Variants in ADGRL3 observed in about 807,000 individuals in gnomAD.
ADGRL3 encodes the protein adhesion G protein-coupled receptor L3, also known as calcium-independent alpha-latrotoxin receptor 3.
A neutral mutation model predicts 153.5 loss-of-function variants in ADGRL3; 62 were observed. The observed-to-expected ratio is 0.40, with a 90% CI of 0.33 to 0.50. The LOEUF (loss-of-function observed/expected upper bound fraction) is 0.50. Ranked by LOEUF, ADGRL3 falls within the 20% of genes least tolerant of loss-of-function variation. The probability of loss-of-function intolerance (pLI) is 0.47; values close to 1 mark genes in which losing one functional copy is unlikely to be tolerated. For synonymous variants in ADGRL3, 710 were observed against 672.5 expected, an observed-to-expected ratio of 1.06 and a Z score of -0.86; for missense variants, 1,641 against 1,859.4, an observed-to-expected ratio of 0.88 and a Z score of 2.16.
chr4:62,053,337 C>T (rs1735237626), intron 25 of ADGRL3, among the ~76,000 whole-genome samples: 1 of 151,510 alleles, frequency 6.6e-6, no homozygotes, highest in African/African-American at 2.4e-5. Context: ...TGTTGAATTG[C>T]ATACAAAGGC....
chr4:61,728,441 A>G (rs1419469501), intron 6 of ADGRL3, among the ~76,000 whole-genome samples: 1 of 152,112 alleles, frequency 6.6e-6, no homozygotes, highest in African/African-American at 2.4e-5. Flanking sequence ...AAAGTGTAGG[A>G]TAATATTTGA....
At chr4:62,058,285 T>C (rs1738133995) in intron 25 of ADGRL3, among the ~76,000 whole-genome samples, 1 of 152,154 alleles carries the variant, frequency 6.6e-6, no homozygotes, top group South Asian at 2.1e-4. Context: ...TTATTTCTGC[T>C]TTTAAAGTTT....
rs893050091 is a variant in ADGRL3, at chr4:61,770,243, G to C, written c.1399+36689G>C. On this transcript the variant is annotated intron_variant, in intron 8 of 26. Coordinates refer to ENST00000683033, the MANE Select transcript of ADGRL3 (RefSeq NM_001387552.1). The stretch of plus-strand genomic sequence containing the variant: ...TATAGAGGAGGCTTTTAAGATTTTT[G>C]TTTATTGTTGATAAGTAATTTTCTG... Among the ~76,000 whole-genome samples the C allele has an allele frequency of 9.2e-5, 14 of 152,160 alleles. 1 individual carries two copies. Among genetic ancestry groups the C allele is most frequent in the African/African-American group, 3.1e-4 (13 of 41,440 alleles).
intron 5 of ADGRL3, among the ~76,000 whole-genome samples, chr4:61,643,811 G>A (rs1342626003): frequency 6.8e-6 from 1 of 146,162 alleles, no homozygotes; most frequent in Non-Finnish European, 1.5e-5. Context: ...CATAAAATGA[G>A]TTAGGGAGGA....
intron 9 of ADGRL3, among the ~76,000 whole-genome samples, chr4:61,830,213 G>T (rs893802319): frequency 6.6e-6 from 1 of 151,692 alleles, no homozygotes; most frequent in Non-Finnish European, 1.5e-5. Context: ...TTGCCATGTT[G>T]CCCAGGCTTC....
At chr4:61,210,977 G>T (rs1430069211) in intron 1 of ADGRL3, among the ~76,000 whole-genome samples, 1 of 152,064 alleles carries the variant, frequency 6.6e-6, no homozygotes, top group Non-Finnish European at 1.5e-5. Context: ...ATCTTTTGAG[G>T]TTTAGGCAAT....
chr4:61,245,000 T>G (rs1288521153), intron 1 of ADGRL3, among the ~76,000 whole-genome samples: 1 of 152,038 alleles, frequency 6.6e-6, no homozygotes, highest in Non-Finnish European at 1.5e-5. Context: ...TCCTTTCCTT[T>G]ACTCTTCTGG....
At chr4:61,447,194 C>A (rs528498402) in intron 2 of ADGRL3, among the ~76,000 whole-genome samples, 1 of 152,114 alleles carries the variant, frequency 6.6e-6, no homozygotes, top group South Asian at 2.1e-4. Flanking sequence ...ATTTTAGTGA[C>A]TCTTGCATTT....
intron 24 of ADGRL3, 131 bp downstream of exon 24, chr4:62,037,987 G>T: frequency 1.1e-6 from 1 of 951,956 alleles, no homozygotes; most frequent in Non-Finnish European, 1.6e-6. Flanking sequence ...TGTCTCACAT[G>T]GGAATGATTC....
At chr4:61,362,001 C>A (rs1337321405) in intron 1 of ADGRL3, among the ~76,000 whole-genome samples, 7 of 147,966 alleles carry the variant, frequency 4.7e-5, no homozygotes, top group African/African-American at 1.7e-4. Context: ...TATATAAATA[C>A]ATATATTTTT....
intron 1 of ADGRL3, among the ~76,000 whole-genome samples, chr4:61,255,404 T>A (rs974539): frequency 0.75 from 113,937 of 152,088 alleles, 42,837 homozygotes; most frequent in African/African-American, 0.77. Context: ...TTCTCCGCTG[T>A]ATGGAGAAGA....
intron 21 of ADGRL3, among the ~76,000 whole-genome samples, 168 bp from the exon 22 acceptor site, chr4:62,028,687 C>A (rs979900950): frequency 6.6e-6 from 1 of 151,604 alleles, no homozygotes; most frequent in East Asian, 1.9e-4. Flanking sequence ...TATTTAAGTT[C>A]TCATGGTCAT....
chr4:61,826,848 A>C (rs888093524), intron 9 of ADGRL3, among the ~76,000 whole-genome samples: 1 of 152,098 alleles, frequency 6.6e-6, no homozygotes. Flanking sequence ...GCACACCAAC[A>C]TGGCACATGT....
intron 17 of ADGRL3, among the ~76,000 whole-genome samples, chr4:61,974,494 A>C (rs1026429764): frequency 1.3e-5 from 2 of 152,180 alleles, no homozygotes; most frequent in Admixed American, 6.5e-5. Context: ...GCTATTGAGC[A>C]TGAAAAAATT....
chr4:61,235,378 C>A (rs915675859), intron 1 of ADGRL3, among the ~76,000 whole-genome samples: 3 of 152,332 alleles, frequency 2.0e-5, no homozygotes, highest in African/African-American at 7.2e-5. Context: ...TAAATTAACA[C>A]ATCTTTTCTG....
chr4:61,426,956 G>T (rs1434568139), intron 2 of ADGRL3: 2 of 152,192 alleles, frequency 1.3e-5, no homozygotes, highest in African/African-American at 4.8e-5. Flanking sequence ...GTCCCACGAG[G>T]TGGCCCCTGT....
At chr4:61,216,256 A>G (rs986445841) in intron 1 of ADGRL3, among the ~76,000 whole-genome samples, 1 of 152,118 alleles carries the variant, frequency 6.6e-6, no homozygotes, top group African/African-American at 2.4e-5. Context: ...CATGATTTGA[A>G]ACCATTAAGG....
chr4:61,328,730 A>T (rs1033821308), intron 1 of ADGRL3, among the ~76,000 whole-genome samples: 1 of 152,182 alleles, frequency 6.6e-6, no homozygotes, highest in South Asian at 2.1e-4. Flanking sequence ...GTATTTTTCT[A>T]GAATAATATA....
chr4:61,930,699 G>C (rs903236951), intron 13 of ADGRL3, among the ~76,000 whole-genome samples: 2 of 151,972 alleles, frequency 1.3e-5, no homozygotes. Context: ...GTAGGATATG[G>C]TATGTCCATA....
Sources: gnomAD v4.1 joint callset for allele counts (sites outside exome capture counted in the v4.1 genomes callset) on GRCh38, gnomAD v4.1.1 for gene constraint, MANE v1.5 for transcripts, NCBI Gene and HGNC (gene_info 2026-07-23, HGNC 2026-07-21) for gene names.